COBL: variants seen among roughly 807,000 people sequenced by gnomAD.
The protein encoded by COBL is protein cordon-bleu.
COBL carries 51 observed loss-of-function variants against 98.8 expected under a neutral mutation model. The observed-to-expected ratio is 0.52, with a 90% confidence interval of 0.41 to 0.65. The LOEUF (loss-of-function observed/expected upper bound fraction) is 0.65, where lower values mean the gene tolerates loss of function less well. Ranked by LOEUF, COBL falls within the 30% of genes least tolerant of loss-of-function variation. COBL has a pLI of 0.00. For missense variants in COBL, 1,617 were observed against 1,617.5 expected (o/e 1.00, Z 0.01); for synonymous variants, 634 against 651.7 (o/e 0.97, Z 0.41).
intron 12 of COBL, among the ~76,000 whole-genome samples, chr7:51,017,819 G>T (rs1437005829): frequency 6.6e-6 from 1 of 152,176 alleles, no homozygotes; most frequent in Non-Finnish European, 1.5e-5. Context: ...GAGGTCAAGG[G>T]AACTGGGAGG....
At chr7:51,249,171 GC>G (rs1402964243) in intron 1 of COBL, among the ~76,000 whole-genome samples, 2 of 152,142 alleles carry the variant, frequency 1.3e-5, no homozygotes, top group African/African-American at 4.8e-5. Flanking sequence ...GGTGTTCAAG[GC>G]AAGGCTATCT....
intron 5 of COBL, among the ~76,000 whole-genome samples, chr7:51,176,020 C>T (rs1171192057): frequency 2.0e-5 from 3 of 152,186 alleles, no homozygotes; most frequent in Admixed American, 6.5e-5. Flanking sequence ...TGTATACAGA[C>T]GGTCAGCTGA....
intron 4 of COBL, among the ~76,000 whole-genome samples, chr7:51,189,890 C>T (rs553758588): frequency 6.6e-6 from 1 of 152,310 alleles, no homozygotes; most frequent in South Asian, 2.1e-4. Flanking sequence ...AGTTAGCACT[C>T]TATATCAATC....
intron 1 of COBL, among the ~76,000 whole-genome samples, chr7:51,230,792 CCACAT>C (rs1477902937): frequency 6.6e-6 from 1 of 152,234 alleles, no homozygotes; most frequent in Non-Finnish European, 1.5e-5. Flanking sequence ...CCCTCATCGC[CCACAT>C]CGTGGTTACT....
At chr7:51,207,684 G>A (rs1358664012) in intron 2 of COBL, among the ~76,000 whole-genome samples, 1 of 151,608 alleles carries the variant, frequency 6.6e-6, no homozygotes, top group African/African-American at 2.4e-5. Flanking sequence ...CGCCAGCCTC[G>A]GCCTCCCGAG....
intron 1 of COBL, among the ~76,000 whole-genome samples, chr7:51,220,764 C>T (rs1335060450): frequency 2.6e-5 from 4 of 152,124 alleles, no homozygotes; most frequent in African/African-American, 4.8e-5. Context: ...ACCCAACAGG[C>T]GGTTTTTCAA....
At chr7:51,112,926 CAAACAAAATATAA>C (rs1283624074) in intron 6 of COBL, among the ~76,000 whole-genome samples, 4 of 152,158 alleles carry the variant, frequency 2.6e-5, no homozygotes, top group Non-Finnish European at 4.4e-5. Context: ...GTGGCAACCA[CAAACAAAATATAA>C]AAACTCCTAC....
intron 6 of COBL, among the ~76,000 whole-genome samples, chr7:51,115,847 T>C (rs1457592167): frequency 6.6e-6 from 1 of 152,122 alleles, no homozygotes; most frequent in Non-Finnish European, 1.5e-5. Flanking sequence ...GGTGGATGTG[T>C]CTATTTCTCC....
chr7:51,116,361 T>C (rs1002576194), intron 6 of COBL, among the ~76,000 whole-genome samples: 1 of 152,282 alleles, frequency 6.6e-6, no homozygotes, highest in South Asian at 2.1e-4. Context: ...ATAATATGTG[T>C]GCTCAACTTT....
At chr7:51,208,499 C>T (rs1409167617) in intron 2 of COBL, among the ~76,000 whole-genome samples, 7 of 151,792 alleles carry the variant, frequency 4.6e-5, no homozygotes, top group Non-Finnish European at 8.8e-5. Flanking sequence ...CGCCTCTGCC[C>T]GGCTGCCCCT....
chr7:51,265,387 C>T (rs940598849), intron 1 of COBL, among the ~76,000 whole-genome samples: 1 of 152,212 alleles, frequency 6.6e-6, no homozygotes, highest in Admixed American at 6.5e-5. Context: ...CGCCCAGCCA[C>T]ACCCACCAGG....
intron 6 of COBL, among the ~76,000 whole-genome samples, chr7:51,095,175 A>G (rs569310235): frequency 1.3e-5 from 2 of 152,314 alleles, no homozygotes; most frequent in East Asian, 1.9e-4. Flanking sequence ...GTGAATGAGG[A>G]GCAAAATCAT....
At chr7:51,150,369 C>T (rs1562967695) in intron 5 of COBL, among the ~76,000 whole-genome samples, 2 of 152,264 alleles carry the variant, frequency 1.3e-5, no homozygotes, top group Admixed American at 6.5e-5. Flanking sequence ...AGAAGTCACT[C>T]GGCATGCCTC....
At chr7:51,199,089 C>T (rs1018746846) in intron 2 of COBL, among the ~76,000 whole-genome samples, 1 of 152,184 alleles carries the variant, frequency 6.6e-6, no homozygotes, top group South Asian at 2.1e-4. Context: ...ACCTATCCCC[C>T]CAATAACATG....
intron 5 of COBL, among the ~76,000 whole-genome samples, chr7:51,159,971 C>T (rs1786621383): frequency 1.3e-5 from 2 of 152,216 alleles, no homozygotes; most frequent in African/African-American, 2.4e-5. Flanking sequence ...CAGCTCACTA[C>T]AACCTCCGCC....
chr7:51,166,620 T>C (rs2129039448), intron 5 of COBL, among the ~76,000 whole-genome samples: 1 of 152,236 alleles, frequency 6.6e-6, no homozygotes, highest in East Asian at 1.9e-4. Flanking sequence ...AGTATTACCC[T>C]GATACCAAAA....
intron 6 of COBL, among the ~76,000 whole-genome samples, chr7:51,096,135 G>A (rs1399247460): frequency 1.3e-5 from 2 of 151,972 alleles, no homozygotes; most frequent in African/African-American, 2.4e-5. Context: ...GTCTTAACAA[G>A]ATTAAAAATA....
At chr7:51,133,397 C>T (rs1798930416) in intron 6 of COBL, among the ~76,000 whole-genome samples, 1 of 152,152 alleles carries the variant, frequency 6.6e-6, no homozygotes, top group African/African-American at 2.4e-5. Context: ...AGATCTGTTG[C>T]CTTTGAGTAG....
At position 51,316,778 on chromosome 7, in the gene COBL, C is replaced by G. The variant is rs1420065936; in HGVS notation, c.-145G>C. 8 of 588,984 alleles carry G rather than the reference C, an allele frequency of 1.4e-5. No homozygotes were observed. Among genetic ancestry groups the G allele is most frequent in the Non-Finnish European group, 1.9e-5 (8 of 415,982 alleles). The allele number at this position is 588,984 out of a possible 1,614,324, so 36.5% of individuals were successfully genotyped here. ...GGGCCGGCGGAGGACAGCGGCGGAG[C>G]GCGGCGGACGGAAGGGGCTGGAATC... is the stretch of plus-strand genomic sequence containing the variant. On this transcript the variant is annotated 5_prime_UTR_variant, in exon 1 of 13. Coordinates refer to ENST00000265136, the MANE Select transcript of COBL (RefSeq NM_015198.5).
Sources: gnomAD v4.1 joint callset for allele counts (sites outside exome capture counted in the v4.1 genomes callset) on GRCh38, gnomAD v4.1.1 for gene constraint, MANE v1.5 for transcripts, NCBI Gene and HGNC (gene_info 2026-07-23, HGNC 2026-07-21) for gene names.